Variants in DDX1 observed in about 807,000 individuals in gnomAD.
The protein encoded by DDX1 is DEAD-box helicase 1, also known as ATP-dependent RNA helicase DDX1.
Under a neutral mutation model 108.7 loss-of-function variants are expected in DDX1, and 28 were observed. The ratio of observed to expected loss-of-function variants is 0.26; its 90% CI spans 0.19 to 0.35. The LOEUF (loss-of-function observed/expected upper bound fraction) is 0.35, where lower values mean the gene tolerates loss of function less well. DDX1 is among the 10% of genes least tolerant of loss of function. The pLI is 1.00. For synonymous variants in DDX1, 295 were observed against 288.9 expected, an observed-to-expected ratio of 1.02 and a Z score of -0.21; for missense variants, 710 against 884.5, an observed-to-expected ratio of 0.80 and a Z score of 2.50.
In DDX1 at chr2:15,623,461, C is replaced by G. The variant is rs1198973265; in HGVS notation, c.1473C>G (p.Ile491Met). ...AGATGTGGTCTGAAGCTATTAAAAT[C>G]CTGAAAGGGGAGTATGCTGTCCGGG... ...SPEMWSEAIK[I>M]LKGEYAVRAI... Residue 491 changes from isoleucine (I) to methionine (M), a missense_variant, in exon 19 of 26, where the codon ATC becomes ATG. Transcript: ENST00000233084. 2 of 1,613,414 alleles carry G rather than the reference C, an allele frequency of 1.2e-6. No homozygotes were observed. The highest frequency in any genetic ancestry group is 4.5e-5 in the East Asian group (2 of 44,788).
rs1328051845 is a variant in DDX1 at position 15,602,528 on chromosome 2, T to C, written c.308-20T>C. The stretch of plus-strand genomic sequence containing the variant: ...AAACCTGTACTGACGTGTTTTTCTG[T>C]GTTTTCTTCTCAAATCCAGCAATTG... On this transcript the variant is annotated intron_variant, in intron 6 of 25. Coordinates refer to ENST00000233084, the MANE Select transcript of DDX1 (RefSeq NM_004939.3). The C allele has an allele frequency of 6.3e-7, 1 of 1,598,626 alleles. No individual in the cohort carries two copies.
Position 15,623,284 on chromosome 2 carries a change from C to T in DDX1, c.1448-152C>T, listed in dbSNP as rs908010362. 3 of 655,764 alleles carry T rather than the reference C, an allele frequency of 4.6e-6. No individual in the cohort carries two copies. In the Admixed American group the frequency reaches 8.9e-5, roughly 19 times the overall value. The allele number at this position is 655,764 out of a possible 1,614,324, so 40.6% of individuals were successfully genotyped here. ...AACTCACTGTTTTACTCTATCTTTA[C>T]TTCTTGTCCTTATCTATATATAATA... On this transcript the variant is annotated intron_variant, in intron 18 of 25. Transcript: ENST00000233084.
chr2:15,622,502 A>G (rs571550432), intron 18 of DDX1, among the ~76,000 whole-genome samples: 13 of 152,212 alleles, frequency 8.5e-5, no homozygotes, highest in Non-Finnish European at 1.9e-4. Context: ...CATGTCTGAC[A>G]TGAGATGTTT....
intron 16 of DDX1, among the ~76,000 whole-genome samples, chr2:15,618,502 T>C (rs1370494953): frequency 6.6e-6 from 1 of 152,062 alleles, no homozygotes; most frequent in Admixed American, 6.6e-5. Context: ...TGGTGAGGCG[T>C]GTATGAGCGA....
chr2:15,614,847 G>A (rs1390618344), intron 14 of DDX1, among the ~76,000 whole-genome samples: 1 of 152,174 alleles, frequency 6.6e-6, no homozygotes, highest in African/African-American at 2.4e-5. Context: ...GATTTAATAA[G>A]TTTATTCCCA....
At position 15,630,120 on chromosome 2, in the gene DDX1, G is replaced by T; in HGVS notation, c.2092+10G>T. On this transcript the variant is annotated intron_variant, in intron 25 of 25. Coordinates refer to ENST00000233084, the MANE Select transcript of DDX1 (RefSeq NM_004939.3). ...AAAAGGGCTGCTGGTGGTAAGCTTT[G>T]AATTATTTTAAATACAATTTTAAAT... The T allele has an allele frequency of 6.2e-7, 1 of 1,611,500 alleles. No homozygotes were observed. The highest frequency in any genetic ancestry group is 2.2e-5 in the East Asian group (1 of 44,856).
At chr2:15,624,137 A>G (rs907468050) in intron 19 of DDX1, among the ~76,000 whole-genome samples, 1 of 152,208 alleles carries the variant, frequency 6.6e-6, no homozygotes, top group Non-Finnish European at 1.5e-5. Flanking sequence ...TACATGGAGC[A>G]TACCCAAAAT....
At chr2:15,618,564 G>A (rs116532032) in intron 16 of DDX1, among the ~76,000 whole-genome samples, 1,889 of 152,336 alleles carry the variant, frequency 0.012, 43 homozygotes, top group African/African-American at 0.043. Flanking sequence ...GCGGCAGGGC[G>A]GGTAGCTCCA....
rs1665632873 is a variant in DDX1 at position 15,604,421 on chromosome 2, C to G, written c.553-16C>G. The G allele has an allele frequency of 1.3e-6, 2 of 1,559,364 alleles. No individual in the cohort carries two copies. The highest frequency in any genetic ancestry group is 3.4e-5 in the Admixed American group (2 of 59,538). ...TTTACTTTCTATTAATAGCATTTGA[C>G]TTTCTGGTGTTCTAGGAATTCACTA... is the stretch of plus-strand genomic sequence containing the variant. On this transcript the variant is annotated splice_polypyrimidine_tract_variant and intron_variant, in intron 9 of 25. Transcript: ENST00000233084.
At position 15,604,570 on chromosome 2, in the gene DDX1, T is replaced by A; in HGVS notation, c.625+61T>A. 4.4e-6 allele frequency: 5 copies of A among 1,126,174 alleles called. No homozygotes were observed. In the East Asian group the frequency reaches 9.4e-5, roughly 21 times the overall value. 69.8% of individuals were successfully genotyped at this position (1,126,174 alleles called of 1,614,324 possible). A position where few individuals can be genotyped will look rare whatever the true frequency, so the allele number is the denominator to read the frequency against. ...CATGATATTCAATAATTGTGGTTTTTAAAAATCCCCCCACCCTGTTTTTCA... is the reference window on the plus strand; with the variant it reads ...CATGATATTCAATAATTGTGGTTTTAAAAAATCCCCCCACCCTGTTTTTCA... On this transcript the variant is annotated intron_variant, in intron 10 of 25. Transcript: ENST00000233084.
At chr2:15,592,588 C>G (rs894867524) in intron 1 of DDX1, among the ~76,000 whole-genome samples, 1 of 152,190 alleles carries the variant, frequency 6.6e-6, no homozygotes, top group Non-Finnish European at 1.5e-5. Flanking sequence ...TTGCCGTCTG[C>G]TACCCTCCTT....
At chr2:15,615,498 A>C (rs12616567) in intron 14 of DDX1, among the ~76,000 whole-genome samples, 19,324 of 152,162 alleles carry the variant, frequency 0.13, 1,561 homozygotes, top group East Asian at 0.37. Flanking sequence ...TTCTTAATAC[A>C]TTGGACAGAT....
intron 16 of DDX1, 122 bp downstream of exon 16, chr2:15,618,392 C>T (rs998474870): frequency 4.1e-5 from 25 of 607,316 alleles, no homozygotes; most frequent in Admixed American, 1.8e-4. Flanking sequence ...TGCCCTTGCC[C>T]GGGTTTTGCT....
chr2:15,608,222 C>T (rs776414851), intron 13 of DDX1, among the ~76,000 whole-genome samples: 24 of 152,132 alleles, frequency 1.6e-4, no homozygotes, highest in Non-Finnish European at 3.2e-4. Flanking sequence ...CACCATAAAA[C>T]TCATTATTTG....
rs376219958 is a variant in DDX1 at position 15,619,023 on chromosome 2, G to A, written c.1206+753G>A. On this transcript the variant is annotated intron_variant, in intron 16 of 25. Transcript: ENST00000233084. The stretch of plus-strand genomic sequence containing the variant: ...AAGGGAGGGCCTTTTAGGGCCCCCC[G>A]AGTGCAGAGATGTCTGGGTCCGCAG... Among the ~76,000 whole-genome samples the A allele has an allele frequency of 2.5e-4, 38 of 152,340 alleles. No homozygotes were observed. In the East Asian group the frequency reaches 6.2e-3, roughly 25 times the overall value.
intron 13 of DDX1, among the ~76,000 whole-genome samples, chr2:15,608,518 A>G (rs932497445): frequency 2.2e-5 from 3 of 137,638 alleles, no homozygotes; most frequent in African/African-American, 5.4e-5. Flanking sequence ...ACAGAGTAAG[A>G]CTCCGTCTCA....
chr2:15,595,262 T>C, intron 2 of DDX1, 66 bp downstream of exon 2: 4 of 1,343,072 alleles, frequency 3.0e-6, no homozygotes, highest in Non-Finnish European at 4.2e-6. Flanking sequence ...TTGTTAGTGA[T>C]TTTATCAAAT....
At chr2:15,619,005 G>A (rs1227347351) in intron 16 of DDX1, among the ~76,000 whole-genome samples, 3 of 152,194 alleles carry the variant, frequency 2.0e-5, no homozygotes, top group Admixed American at 6.5e-5. Flanking sequence ...GGCAAGGGAG[G>A]GCCTTTTAGG....
chr2:15,591,889 G>A lies in DDX1; in HGVS notation c.-45G>A, dbSNP rs1665417332. ...CGCCACTGCCACGCCGTGTCAGTCG[G>A]GAGGGAGGGAGCGAGCAGGCGAAGC... On this transcript the variant is annotated 5_prime_UTR_variant, in exon 1 of 26. Transcript: ENST00000233084. 1 of 1,467,746 alleles carries A rather than the reference G, an allele frequency of 6.8e-7. No individual in the cohort carries two copies. The highest frequency in any genetic ancestry group is 9.0e-7 in the Non-Finnish European group (1 of 1,108,628). 90.9% of individuals were successfully genotyped at this position (1,467,746 alleles called of 1,614,324 possible).
Sources: gnomAD v4.1 joint callset for allele counts (sites outside exome capture counted in the v4.1 genomes callset) on GRCh38, gnomAD v4.1.1 for gene constraint, MANE v1.5 for transcripts, NCBI Gene and HGNC (gene_info 2026-07-23, HGNC 2026-07-21) for gene names.